ERI1: variants seen among roughly 807,000 people sequenced by gnomAD.
ERI1 encodes the protein exoribonuclease 1, also known as 3'-5' exoribonuclease 1.
Under a neutral mutation model 39.7 loss-of-function variants are expected in ERI1, and 39 were observed. That is an observed-to-expected ratio of 0.98 (90% CI 0.76 to 1.28). ERI1 has a LOEUF of 1.28. Among genes scored for constraint, ERI1 ranks in the 50% most tolerant of loss-of-function variants. ERI1 has a pLI of 0.00. For missense variants in ERI1, 581 were observed against 416.9 expected, an observed-to-expected ratio of 1.39 and a Z score of -3.43; for synonymous variants, 204 against 149.6, an observed-to-expected ratio of 1.36 and a Z score of -2.65.
intron 3 of ERI1, among the ~76,000 whole-genome samples, chr8:9,043,767 G>A (rs1473670310): frequency 1.3e-5 from 2 of 152,178 alleles, no homozygotes; most frequent in Non-Finnish European, 2.9e-5. Context: ...TGCTCAGGCA[G>A]AACTTGAACT....
intron 3 of ERI1, among the ~76,000 whole-genome samples, chr8:9,078,842 G>T (rs1799286682): frequency 6.6e-6 from 1 of 152,126 alleles, no homozygotes; most frequent in Non-Finnish European, 1.5e-5. Context: ...TTTTTGTGGG[G>T]CCCTTGTCCT....
At chr8:9,099,233 T>C (rs1316346789) in intron 3 of ERI1, among the ~76,000 whole-genome samples, 1 of 152,162 alleles carries the variant, frequency 6.6e-6, no homozygotes, top group Non-Finnish European at 1.5e-5. Flanking sequence ...TTGTGCTCTC[T>C]TCTTCCTTCT....
chr8:9,035,810 A>G (rs1210455323), downstream of ERI1, among the ~76,000 whole-genome samples: 1 of 152,222 alleles, frequency 6.6e-6, no homozygotes, highest in African/African-American at 2.4e-5. Flanking sequence ...GTCAGTTGAA[A>G]ACCTTCTGGA....
intron 3 of ERI1, among the ~76,000 whole-genome samples, chr8:9,014,803 T>C (rs1817052168): frequency 6.6e-6 from 1 of 152,166 alleles, no homozygotes; most frequent in Admixed American, 6.6e-5. Flanking sequence ...GGTAAGAGTG[T>C]CTAACTTTTG....
rs1797704361 is a variant in ERI1 at position 9,033,107 on chromosome 8, C to CCT, written c.*3074_*3075dup. 1 of 152,152 alleles carries CCT rather than the reference C, an allele frequency of 6.6e-6. No individual in the cohort carries two copies. Among genetic ancestry groups the CCT allele is most frequent in the South Asian group, 2.1e-4 (1 of 4,826 alleles). The allele number at this position is 152,152 out of a possible 1,614,324, so 9.4% of individuals were successfully genotyped here. On this transcript the variant is annotated 3_prime_UTR_variant, in exon 7 of 7. Coordinates refer to ENST00000250263, the MANE Select transcript of ERI1 (RefSeq NM_153332.4). ...TTTCCTCTTTGTTCTGCACCACCAACCTGTATATCAAGCCTCCTTGCCCCA... is the reference window on the plus strand; with the variant it reads ...TTTCCTCTTTGTTCTGCACCACCAACCTCTGTATATCAAGCCTCCTTGCCCCA...
At position 9,032,504 on chromosome 8, in the gene ERI1, G is replaced by C. The variant is rs908299311; in HGVS notation, c.*2470G>C. ...GCTCTGAAAAAAATGTTTTTGTGAT[G>C]TGTCTTTGTTGCCTTGAGATAGATC... On this transcript the variant is annotated 3_prime_UTR_variant, in exon 7 of 7. Transcript: ENST00000250263. 1.3e-5 allele frequency: 2 copies of C among 152,100 alleles called. No homozygotes were observed. The highest frequency in any genetic ancestry group is 4.8e-5 in the African/African-American group (2 of 41,420). 9.4% of individuals were successfully genotyped at this position (152,100 alleles called of 1,614,324 possible).
chr8:9,064,878 G>T (rs1290934325), intron 3 of ERI1, among the ~76,000 whole-genome samples: 2 of 152,206 alleles, frequency 1.3e-5, no homozygotes, highest in African/African-American at 4.8e-5. Context: ...CAAGCGGGCT[G>T]AGTCCGAGAA....
At chr8:9,020,085 C>T (rs1024633944) in intron 5 of ERI1, among the ~76,000 whole-genome samples, 1 of 152,136 alleles carries the variant, frequency 6.6e-6, no homozygotes, top group Non-Finnish European at 1.5e-5. Flanking sequence ...AAGATAGAAG[C>T]CTGCCCAGAA....
At chr8:9,025,804 G>T (rs67958495) in intron 6 of ERI1, among the ~76,000 whole-genome samples, 21,304 of 151,570 alleles carry the variant, frequency 0.14, 1,625 homozygotes, top group Middle Eastern at 0.17. Flanking sequence ...GAGATTTGGG[G>T]TTTTTTTCAG....
chr8:9,056,524 CA>C (rs35002784), intron 3 of ERI1, among the ~76,000 whole-genome samples: 67,180 of 151,984 alleles, frequency 0.44, 16,425 homozygotes, highest in East Asian at 0.73. Context: ...AATATTTGTC[CA>C]AAAAAGATGT....
intron 3 of ERI1, among the ~76,000 whole-genome samples, chr8:9,092,656 A>T (rs1348966828): frequency 6.6e-6 from 1 of 152,238 alleles, no homozygotes; most frequent in African/African-American, 2.4e-5. Context: ...GGAAGGAACC[A>T]GGGCTGTGAG....
intron 2 of ERI1, among the ~76,000 whole-genome samples, chr8:9,008,706 T>C (rs1053317811): frequency 1.1e-4 from 16 of 152,220 alleles, no homozygotes; most frequent in African/African-American, 1.7e-4. Flanking sequence ...CCTAAGTTTT[T>C]AGTAATTTTT....
chr8:9,011,690 G>C lies in ERI1; in HGVS notation c.436G>C (p.Glu146Gln). ...EATCEEGNPP[E>Q]FVHEIIEFPV... ...CACTTGTGAAGAAGGAAACCCACCT[G>C]AGTTTGTACATGAAATAATTGAATT... Residue 146 changes from glutamate (E) to glutamine (Q), a missense_variant, in exon 3 of 7, where the codon GAG (glutamate) becomes CAG (glutamine). Glu to Gln is a conservative substitution (Grantham distance 29). Coordinates refer to ENST00000250263, the MANE Select transcript of ERI1 (RefSeq NM_153332.4). 1 of 1,613,042 alleles carries C rather than the reference G, an allele frequency of 6.2e-7. No individual in the cohort carries two copies. The highest frequency in any genetic ancestry group is 8.5e-7 in the Non-Finnish European group (1 of 1,179,306).
intron 3 of ERI1, among the ~76,000 whole-genome samples, chr8:9,084,079 C>A (rs576990164): frequency 6.6e-6 from 1 of 152,136 alleles, no homozygotes; most frequent in East Asian, 1.9e-4. Flanking sequence ...AGGCGTGAGC[C>A]GCCGTGCCCA....
intron 3 of ERI1, among the ~76,000 whole-genome samples, chr8:9,093,533 A>G (rs1799779143): frequency 6.6e-6 from 1 of 151,404 alleles, no homozygotes; most frequent in Non-Finnish European, 1.5e-5. Flanking sequence ...GAAGAAGAAG[A>G]AGAAGAAAGT....
chr8:9,009,016 T>G (rs959574773), intron 2 of ERI1: 5 of 456,190 alleles, frequency 1.1e-5, no homozygotes, highest in African/African-American at 1.0e-4. Context: ...TTTCCCCGAT[T>G]CTTTCTGTTA....
At chr8:9,062,271 T>C (rs1244646439) in intron 3 of ERI1, among the ~76,000 whole-genome samples, 7 of 151,852 alleles carry the variant, frequency 4.6e-5, no homozygotes, top group African/African-American at 7.3e-5. Flanking sequence ...TAGAGGTATC[T>C]TATACTTGTG....
chr8:9,019,435 C>T (rs1421559542), intron 5 of ERI1, among the ~76,000 whole-genome samples: 2 of 152,166 alleles, frequency 1.3e-5, no homozygotes, highest in East Asian at 3.8e-4. Flanking sequence ...CATGAATGAG[C>T]AGTGCTCTGC....
At chr8:9,021,685 T>G (rs1387063461) in intron 6 of ERI1, among the ~76,000 whole-genome samples, 1 of 152,086 alleles carries the variant, frequency 6.6e-6, no homozygotes, top group Non-Finnish European at 1.5e-5. Context: ...GCTTTAGTAT[T>G]TAAATGTATA....
Sources: gnomAD v4.1 joint callset for allele counts (sites outside exome capture counted in the v4.1 genomes callset) on GRCh38, gnomAD v4.1.1 for gene constraint, MANE v1.5 for transcripts, NCBI Gene and HGNC (gene_info 2026-07-23, HGNC 2026-07-21) for gene names.